Variants in YAE1 observed in about 807,000 individuals in gnomAD.
YAE1 encodes protein YAE1 homolog.
YAE1 carries 22 observed loss-of-function variants against 23.0 expected under a neutral mutation model. The observed-to-expected ratio is 0.96, with a 90% CI of 0.68 to 1.37. The LOEUF (loss-of-function observed/expected upper bound fraction) is 1.37. Ranked by LOEUF, YAE1 falls within the 40% of genes most tolerant of loss-of-function variation. The pLI, the probability that YAE1 is intolerant of heterozygous loss-of-function variation, is 0.00. For synonymous variants in YAE1, 101 were observed against 97.0 expected (o/e 1.04, Z -0.24); for missense variants, 260 against 262.1 (o/e 0.99, Z 0.06).
chr7:39,569,813 A>G, intron 1 of YAE1: 1 of 787,300 alleles, frequency 1.3e-6, no homozygotes, highest in Non-Finnish European at 2.3e-6. Flanking sequence ...TCCACTCTTT[A>G]TCACTTATAA....
At chr7:39,609,239 C>T (rs1583688205) in intron 2 of YAE1, among the ~76,000 whole-genome samples, 1 of 152,096 alleles carries the variant, frequency 6.6e-6, no homozygotes, top group African/African-American at 2.4e-5. Context: ...AAGGGAGACC[C>T]CACAGATAAT....
At chr7:39,576,454 C>T (rs1424315100), downstream of YAE1, among the ~76,000 whole-genome samples, 1 of 152,186 alleles carries the variant, frequency 6.6e-6, no homozygotes, top group African/African-American at 2.4e-5. Flanking sequence ...TTCCCACCTG[C>T]CTCTTTCCAT....
At chr7:39,584,370 T>A (rs1790783743) in intron 2 of YAE1, among the ~76,000 whole-genome samples, 1 of 152,112 alleles carries the variant, frequency 6.6e-6, no homozygotes, top group South Asian at 2.1e-4. Flanking sequence ...AATGTCCAGG[T>A]CAATAGTGCA....
rs74501293 is a variant in YAE1 at position 39,572,754 on chromosome 7, T to G, written c.*48T>G. ...AAAATAATGTTCAGAACATTTGGTTTCCTAACAATCGAAATTTGTACTGGT... is the reference window on the plus strand; with the variant it reads ...AAAATAATGTTCAGAACATTTGGTTGCCTAACAATCGAAATTTGTACTGGT... On this transcript the variant is annotated 3_prime_UTR_variant, in exon 3 of 3. Transcript: ENST00000223273. 1,592 of 1,519,744 alleles carry G rather than the reference T, an allele frequency of 1.0e-3. 22 individuals carry two copies. In the East Asian group the frequency reaches 0.033, roughly 31 times the overall value. The allele number at this position is 1,519,744 out of a possible 1,614,324, so 94.1% of individuals were successfully genotyped here. A position where few individuals can be genotyped will look rare whatever the true frequency, so the allele number is the denominator to read the frequency against.
intron 2 of YAE1, among the ~76,000 whole-genome samples, chr7:39,604,663 A>G (rs1791103783): frequency 6.6e-6 from 1 of 152,236 alleles, no homozygotes; most frequent in African/African-American, 2.4e-5. Context: ...ATAGTCATAA[A>G]TAATGGTTTC....
chr7:39,568,045 T>C (rs942476973), intron 1 of YAE1, among the ~76,000 whole-genome samples: 3 of 152,022 alleles, frequency 2.0e-5, no homozygotes, highest in Non-Finnish European at 4.4e-5. Flanking sequence ...TCTTAAAATA[T>C]AAAAATGTGT....
chr7:39,568,470 T>C (rs1682024758), intron 1 of YAE1, among the ~76,000 whole-genome samples: 1 of 152,024 alleles, frequency 6.6e-6, no homozygotes, highest in African/African-American at 2.4e-5. Flanking sequence ...CAGACAAAAA[T>C]CAGGAATGTT....
chr7:39,572,141 A>G (rs570683505), intron 2 of YAE1, 136 bp from the exon 3 acceptor site: 2 of 901,990 alleles, frequency 2.2e-6, no homozygotes, highest in Admixed American at 3.2e-5. Context: ...AAAAGCGTAT[A>G]TAGAGTTATG....
At chr7:39,596,177 C>T (rs977431449) in intron 2 of YAE1, among the ~76,000 whole-genome samples, 3 of 151,630 alleles carry the variant, frequency 2.0e-5, no homozygotes, top group Non-Finnish European at 4.4e-5. Flanking sequence ...CCAGATTTGG[C>T]AATCTGTAAG....
intron 2 of YAE1, among the ~76,000 whole-genome samples, chr7:39,609,364 T>G (rs763212434): frequency 1.6e-4 from 25 of 152,262 alleles, no homozygotes; most frequent in Non-Finnish European, 3.4e-4. Flanking sequence ...GCAGTCATAC[T>G]TCTCTATTAA....
At chr7:39,595,745 A>G (rs1790963860) in intron 2 of YAE1, among the ~76,000 whole-genome samples, 1 of 152,174 alleles carries the variant, frequency 6.6e-6, no homozygotes, top group African/African-American at 2.4e-5. Context: ...CCTTGTACAT[A>G]TTCAAACTCT....
chr7:39,609,991 T>C, exon 3 of YAE1: 1 of 1,516,068 alleles, frequency 6.6e-7, no homozygotes, highest in South Asian at 1.2e-5. Flanking sequence ...ATTTAGAAGT[T>C]GTTCTTAATC....
At chr7:39,605,484 T>C (rs1174190576) in intron 2 of YAE1, among the ~76,000 whole-genome samples, 1 of 152,230 alleles carries the variant, frequency 6.6e-6, no homozygotes, top group African/African-American at 2.4e-5. Context: ...AAGAGGGAAC[T>C]CCTGTCTGAC....
chr7:39,579,094 G>T (rs1035047170), intron 2 of YAE1, among the ~76,000 whole-genome samples: 18 of 152,126 alleles, frequency 1.2e-4, no homozygotes, highest in Admixed American at 3.3e-4. Flanking sequence ...GGAAGTAATG[G>T]TTAACGCAGG....
intron 2 of YAE1, among the ~76,000 whole-genome samples, chr7:39,607,354 G>T (rs922135623): frequency 6.6e-6 from 1 of 152,186 alleles, no homozygotes; most frequent in African/African-American, 2.4e-5. Flanking sequence ...AGTTATCCTG[G>T]ATTATCCTAT....
At chr7:39,596,349 C>A (rs1790973021) in intron 2 of YAE1, among the ~76,000 whole-genome samples, 2 of 151,950 alleles carry the variant, frequency 1.3e-5, no homozygotes, top group South Asian at 4.1e-4. Context: ...CCTGCCTCAG[C>A]CTCCCAGCCT....
At chr7:39,579,463 G>T (rs923792440) in intron 2 of YAE1, among the ~76,000 whole-genome samples, 1 of 152,166 alleles carries the variant, frequency 6.6e-6, no homozygotes, top group African/African-American at 2.4e-5. Context: ...GAGGTCAGGA[G>T]TTCGAGACCA....
chr7:39,569,683 T>A (rs1330997201), intron 1 of YAE1: 1 of 695,956 alleles, frequency 1.4e-6, no homozygotes, highest in Non-Finnish European at 2.7e-6. Context: ...GGCAATCCAA[T>A]GTCTTCAATA....
At chr7:39,582,588 A>G (rs1014693178) in intron 2 of YAE1, among the ~76,000 whole-genome samples, 9 of 152,180 alleles carry the variant, frequency 5.9e-5, no homozygotes, top group African/African-American at 1.9e-4. Context: ...ATCTGTCACA[A>G]TGTTCACTTA....
Sources: gnomAD v4.1 joint callset for allele counts (sites outside exome capture counted in the v4.1 genomes callset) on GRCh38, gnomAD v4.1.1 for gene constraint, MANE v1.5 for transcripts, NCBI Gene and HGNC (gene_info 2026-07-23, HGNC 2026-07-21) for gene names.